Variants in COG5 observed in about 807,000 individuals in gnomAD.
COG5 encodes the protein conserved oligomeric Golgi complex subunit 5.
Under a neutral mutation model 110.4 loss-of-function variants are expected in COG5, and 86 were observed. That is an observed-to-expected ratio of 0.78 (90% CI 0.65 to 0.93). COG5 has a LOEUF of 0.93. COG5 is among the 40% of genes least tolerant of loss of function. The pLI, the probability that COG5 is intolerant of heterozygous loss-of-function variation, is 0.00. For missense variants in COG5, 1,077 were observed against 987.0 expected, an observed-to-expected ratio of 1.09 and a Z score of -1.22; for synonymous variants, 360 against 334.6, an observed-to-expected ratio of 1.08 and a Z score of -0.83.
At chr7:107,205,697 T>TTA (rs1283733759) in intron 21 of COG5, among the ~76,000 whole-genome samples, 5 of 152,180 alleles carry the variant, frequency 3.3e-5, no homozygotes, top group Admixed American at 2.6e-4. Context: ...GCGCAGCTCT[T>TTA]TATCTCTTAG....
intron 10 of COG5, among the ~76,000 whole-genome samples, chr7:107,342,555 G>A (rs10953535): frequency 0.16 from 23,672 of 151,872 alleles, 2,299 homozygotes; most frequent in Non-Finnish European, 0.22. Flanking sequence ...GTGGGCACCT[G>A]TGATCTCAGC....
intron 6 of COG5, among the ~76,000 whole-genome samples, chr7:107,523,758 T>G (rs1584930600): frequency 6.6e-6 from 1 of 151,020 alleles, no homozygotes; most frequent in East Asian, 1.9e-4. Flanking sequence ...GAGGTTGCCG[T>G]GAGGCGAGAT....
At position 107,278,410 on chromosome 7, in the gene COG5, G is replaced by C. The variant is rs139809209; in HGVS notation, c.1575+2890C>G. ...TACATTAGGTATTTCTCCTAATGCT[G>C]TCCCTCCCCTACCTCCCACCCGCCA... On this transcript the variant is annotated intron_variant, in intron 14 of 21. Coordinates refer to ENST00000297135, the MANE Select transcript of COG5 (RefSeq NM_006348.5). Among the ~76,000 whole-genome samples, 577 of 152,144 alleles carry C rather than the reference G, an allele frequency of 3.8e-3. 6 individuals are homozygous for C. Among genetic ancestry groups the C allele is most frequent in the African/African-American group, 0.013 (535 of 41,494 alleles).
intron 6 of COG5, among the ~76,000 whole-genome samples, chr7:107,504,525 G>A (rs762745434): frequency 9.2e-5 from 14 of 152,162 alleles, no homozygotes; most frequent in Non-Finnish European, 1.8e-4. Flanking sequence ...ATGATTCAGA[G>A]AGAATTCCCT....
chr7:107,434,885 G>A lies in COG5; in HGVS notation c.539-22253C>T, dbSNP rs372690177. Among the ~76,000 whole-genome samples the A allele has an allele frequency of 2.0e-4, 31 of 151,808 alleles. No homozygotes were observed. The East Asian group carries it at 3.3e-3, about 16-fold the overall frequency. On this transcript the variant is annotated intron_variant, in intron 6 of 21. Coordinates refer to ENST00000297135, the MANE Select transcript of COG5 (RefSeq NM_006348.5). ...CTTGGTAGGCTGAGGGAGGAGAATC[G>A]CTTGAACCTGGGAGGCGGAGATTGC...
At chr7:107,306,167 A>C (rs1193870439) in intron 11 of COG5, among the ~76,000 whole-genome samples, 1 of 152,170 alleles carries the variant, frequency 6.6e-6, no homozygotes, top group East Asian at 1.9e-4. Context: ...ACAATGACAA[A>C]ACAAAATCAG....
chr7:107,529,040 G>T (rs202023977), intron 5 of COG5, among the ~76,000 whole-genome samples: 1 of 63,882 alleles, frequency 1.6e-5, no homozygotes. Flanking sequence ...AAAAAAAAAA[G>T]GAATGCCAAA....
chr7:107,529,709 C>T (rs934660084), intron 5 of COG5, among the ~76,000 whole-genome samples: 1 of 152,186 alleles, frequency 6.6e-6, no homozygotes, highest in Admixed American at 6.5e-5. Context: ...TGGGACTCTT[C>T]CAAGCGTACT....
At chr7:107,488,465 T>C (rs115947948) in intron 6 of COG5, among the ~76,000 whole-genome samples, 2,260 of 152,274 alleles carry the variant, frequency 0.015, 55 homozygotes, top group African/African-American at 0.053. Context: ...GAGCATACTA[T>C]ACAACATGCT....
chr7:107,210,543 G>A lies in COG5; in HGVS notation c.2358C>T (p.Asp786=). 2 of 1,601,446 alleles carry A rather than the reference G, an allele frequency of 1.2e-6. No individual in the cohort carries two copies. Among genetic ancestry groups the A allele is most frequent in the Non-Finnish European group, 8.5e-7 (1 of 1,174,124 alleles). ...GGCTTTACCTGATGAGGAGGAGCCTGTCCTTTTCAGATGGATGGTCATCCA... is the reference window on the plus strand; with the variant it reads ...GGCTTTACCTGATGAGGAGGAGCCTATCCTTTTCAGATGGATGGTCATCCA... ...QWLDDHPSEK[D]RLLLIRGALE... The change falls in exon 21 of 22, where the codon GAC becomes GAT. Residue 786 remains aspartate (D), a synonymous_variant. Transcript: ENST00000297135.
intron 3 of COG5, among the ~76,000 whole-genome samples, chr7:107,553,262 T>C (rs1000769798): frequency 3.9e-5 from 6 of 152,210 alleles, no homozygotes; most frequent in African/African-American, 1.4e-4. Flanking sequence ...TGACTAATAA[T>C]AGTAATTAAT....
chr7:107,404,747 A>T (rs1254286498), intron 7 of COG5, among the ~76,000 whole-genome samples: 2 of 152,090 alleles, frequency 1.3e-5, no homozygotes, highest in African/African-American at 4.8e-5. Context: ...AAAAAATAGG[A>T]TCTAGAGCAG....
chr7:107,541,175 CATGTAT>C (rs1333834995), intron 5 of COG5, among the ~76,000 whole-genome samples: 1 of 141,668 alleles, frequency 7.1e-6, no homozygotes, highest in Non-Finnish European at 1.5e-5. Context: ...AATTTATAAA[CATGTAT>C]ATGTTCAAGA....
chr7:107,359,766 G>T (rs985071090), intron 10 of COG5, among the ~76,000 whole-genome samples: 3 of 151,170 alleles, frequency 2.0e-5, no homozygotes, highest in African/African-American at 7.3e-5. Context: ...ACAAACAACG[G>T]GATGACCTGC....
intron 17 of COG5, among the ~76,000 whole-genome samples, chr7:107,242,084 G>C (rs996290537): frequency 6.6e-6 from 1 of 152,170 alleles, no homozygotes; most frequent in African/African-American, 2.4e-5. Flanking sequence ...GCCCAGCCTA[G>C]ATTGATCTTT....
intron 10 of COG5, among the ~76,000 whole-genome samples, chr7:107,352,573 A>C (rs1370672912): frequency 8.5e-6 from 1 of 117,770 alleles, no homozygotes; most frequent in East Asian, 2.3e-4. Context: ...AATCAAATTG[A>C]GATTCCATAG....
chr7:107,316,535 A>C (rs1299190953), intron 11 of COG5, among the ~76,000 whole-genome samples: 1 of 151,732 alleles, frequency 6.6e-6, no homozygotes, highest in African/African-American at 2.4e-5. Context: ...AAAAGCAGGC[A>C]GGGCGTGGTG....
chr7:107,215,484 G>A (rs1335679246), intron 19 of COG5, among the ~76,000 whole-genome samples: 1 of 151,984 alleles, frequency 6.6e-6, no homozygotes, highest in Non-Finnish European at 1.5e-5. Flanking sequence ...TGTGAATGGG[G>A]AAACCCCATC....
intron 12 of COG5, among the ~76,000 whole-genome samples, chr7:107,284,856 C>T (rs1276834612): frequency 1.3e-5 from 2 of 152,170 alleles, no homozygotes; most frequent in African/African-American, 4.8e-5. Flanking sequence ...CTTCCACCAG[C>T]TTTTGCATTG....
Sources: gnomAD v4.1 joint callset for allele counts (sites outside exome capture counted in the v4.1 genomes callset) on GRCh38, gnomAD v4.1.1 for gene constraint, MANE v1.5 for transcripts, NCBI Gene and HGNC (gene_info 2026-07-23, HGNC 2026-07-21) for gene names.